The following MYT1L variants were observed in gnomAD, a reference collection of about 807,000 sequenced individuals.
The protein encoded by MYT1L is myelin transcription factor 1-like protein.
In MYT1L, 12 loss-of-function variants were observed where a neutral mutation model predicts 126.7. That is an observed-to-expected ratio of 0.09 (90% CI 0.06 to 0.15). MYT1L has a LOEUF of 0.15. Ranked by LOEUF, MYT1L falls within the 10% of genes least tolerant of loss-of-function variation. The pLI is 1.00. For synonymous variants in MYT1L, 541 were observed against 604.2 expected, an observed-to-expected ratio of 0.90 and a Z score of 1.53; for missense variants, 979 against 1,585.2, an observed-to-expected ratio of 0.62 and a Z score of 6.49.
chr2:1,995,399 G>A (rs943114092), intron 5 of MYT1L, among the ~76,000 whole-genome samples: 10 of 152,120 alleles, frequency 6.6e-5, no homozygotes, highest in African/African-American at 1.7e-4. Context: ...GAAATGCACC[G>A]CTAATATCAC....
chr2:2,147,315 T>C (rs939686468), intron 3 of MYT1L, among the ~76,000 whole-genome samples: 21 of 152,168 alleles, frequency 1.4e-4, no homozygotes, highest in African/African-American at 5.1e-4. Context: ...GATGCATCCA[T>C]AAATATGCCA....
At chr2:2,279,565 G>GAAGGAAGAAAGGAAGGAAGA (rs33920276) in intron 2 of MYT1L, among the ~76,000 whole-genome samples, 2 of 71,740 alleles carry the variant, frequency 2.8e-5, no homozygotes, top group Non-Finnish European at 6.1e-5. Flanking sequence ...AGGAATGAAT[G>GAAGGAAGAAAGGAAGGAAGA]AATGAAGGAA....
intron 3 of MYT1L, among the ~76,000 whole-genome samples, chr2:2,169,367 T>TA (rs766985767): frequency 1.1e-3 from 161 of 152,338 alleles, no homozygotes; most frequent in Non-Finnish European, 1.4e-3. Context: ...ACCTTAAAGA[T>TA]ACACAGATTC....
intron 3 of MYT1L, among the ~76,000 whole-genome samples, chr2:2,148,558 G>A (rs1328849368): frequency 6.6e-6 from 1 of 152,170 alleles, no homozygotes; most frequent in Non-Finnish European, 1.5e-5. Flanking sequence ...AGTATAATAG[G>A]TGTTCCCTTT....
chr2:2,243,889 A>T (rs1572788221), intron 2 of MYT1L, among the ~76,000 whole-genome samples: 1 of 152,262 alleles, frequency 6.6e-6, no homozygotes, highest in South Asian at 2.1e-4. Context: ...ATCACTGAAA[A>T]ATGTTCACCC....
intron 3 of MYT1L, among the ~76,000 whole-genome samples, chr2:2,070,076 GT>G (rs2074406832): frequency 6.6e-6 from 1 of 151,552 alleles, no homozygotes; most frequent in Admixed American, 6.6e-5. Context: ...AATATATTCG[GT>G]TTTTATTTGT....
chr2:1,792,057 G>A, intron 24 of MYT1L, 50 bp from the exon 25 acceptor site: 1 of 1,388,818 alleles, frequency 7.2e-7, no homozygotes, highest in South Asian at 1.5e-5. Flanking sequence ...TTTCTTAATA[G>A]TATATTTACA....
chr2:2,045,393 C>G (rs1574796081), intron 4 of MYT1L, among the ~76,000 whole-genome samples: 1 of 152,194 alleles, frequency 6.6e-6, no homozygotes, highest in African/African-American at 2.4e-5. Flanking sequence ...GGGAGAGGCT[C>G]TGGGAGGGGT....
chr2:2,297,148 G>A (rs1033487202), intron 1 of MYT1L, among the ~76,000 whole-genome samples: 6 of 152,168 alleles, frequency 3.9e-5, no homozygotes, highest in South Asian at 2.1e-4. Context: ...GGGACCTCCC[G>A]CCTTTGCGAC....
At chr2:2,307,675 A>G (rs918826383) in intron 1 of MYT1L, among the ~76,000 whole-genome samples, 1 of 152,026 alleles carries the variant, frequency 6.6e-6, no homozygotes, top group African/African-American at 2.4e-5. Context: ...TACTCCACCT[A>G]TGCTTCAGCA....
chr2:1,947,796 G>A (rs2057372863), intron 8 of MYT1L, among the ~76,000 whole-genome samples: 1 of 152,226 alleles, frequency 6.6e-6, no homozygotes. Context: ...AGTACACATG[G>A]AAAAGAAAAG....
intron 2 of MYT1L, among the ~76,000 whole-genome samples, chr2:2,253,826 G>C (rs2094728485): frequency 6.6e-6 from 1 of 151,972 alleles, no homozygotes; most frequent in Non-Finnish European, 1.5e-5. Context: ...AGAGCAAGTC[G>C]GAATTTCCCG....
intron 18 of MYT1L, among the ~76,000 whole-genome samples, chr2:1,882,861 A>G (rs2047736206): frequency 6.6e-6 from 1 of 152,216 alleles, no homozygotes; most frequent in Admixed American, 6.5e-5. Flanking sequence ...AGCAAAAAGC[A>G]ACATCTTGAC....
rs148523341 is a variant in MYT1L, at chr2:1,974,684, C to T, written c.152+4481G>A. On this transcript the variant is annotated intron_variant, in intron 8 of 24. Transcript: ENST00000647738. Reference sequence around the variant, plus strand: ...CCTTCGCTGCCAAGAGTGTCTGCGTCTCTAAGGAGCTGACTTAATGCTTTT... The same window carrying T: ...CCTTCGCTGCCAAGAGTGTCTGCGTTTCTAAGGAGCTGACTTAATGCTTTT... 8 of 152,242 alleles carry T rather than the reference C, an allele frequency of 5.3e-5. No homozygotes were observed. The East Asian group carries it at 1.4e-3, about 26-fold the overall frequency. The allele number at this position is 152,242 out of a possible 1,614,324, so 9.4% of individuals were successfully genotyped here.
At chr2:2,310,404 T>C (rs1441498493) in intron 1 of MYT1L, among the ~76,000 whole-genome samples, 2 of 152,092 alleles carry the variant, frequency 1.3e-5, no homozygotes, top group African/African-American at 2.4e-5. Flanking sequence ...GTATACTTTA[T>C]CTATACTCCA....
At position 1,832,428 on chromosome 2, in the gene MYT1L, A is replaced by C. The variant is rs140468886; in HGVS notation, c.3080+6721T>G. Among the ~76,000 whole-genome samples, 1,159 of 152,276 alleles carry C rather than the reference A, an allele frequency of 7.6e-3. 5 individuals carry two copies. The highest frequency in any genetic ancestry group is 0.017 in the African/African-American group (711 of 41,544). ...AGATACCCATGGCGTTCAAGGCTTC[A>C]TTCTTTCCTTGTGTTCCCAACTGCC... On this transcript the variant is annotated intron_variant, in intron 21 of 24. Transcript: ENST00000647738.
chr2:1,917,804 T>A lies in MYT1L; in HGVS notation c.1484-465A>T, dbSNP rs2053064904. 6.6e-6 allele frequency among the ~76,000 whole-genome samples: 1 copy of A among 152,252 alleles called. No homozygotes were observed. Among genetic ancestry groups the A allele is most frequent in the African/African-American group, 2.4e-5 (1 of 41,474 alleles). On this transcript the variant is annotated intron_variant, in intron 10 of 24. Transcript: ENST00000647738. This position sits in a 1 kb window ranked among gnomAD's most constrained non-coding sequence, Gnocchi z 5.9. ...TTTCTTATTGAGTGCTCTGATCGCATACACTAGAAGCTGCAGGATTTTACT... is the reference window on the plus strand; with the variant it reads ...TTTCTTATTGAGTGCTCTGATCGCAAACACTAGAAGCTGCAGGATTTTACT...
At chr2:2,291,991 G>C (rs773947632) in intron 1 of MYT1L, among the ~76,000 whole-genome samples, 3 of 152,362 alleles carry the variant, frequency 2.0e-5, no homozygotes, top group South Asian at 2.1e-4. Context: ...GGCTGTGCCC[G>C]GGCTGAGAGG....
chr2:2,161,113 G>C (rs920262929), intron 3 of MYT1L, among the ~76,000 whole-genome samples: 1 of 152,056 alleles, frequency 6.6e-6, no homozygotes, highest in Non-Finnish European at 1.5e-5. Context: ...CCAGCTACTC[G>C]GGAGGCTGAG....
Sources: allele counts gnomAD v4.1 joint callset (sites outside exome capture counted in the v4.1 genomes callset), GRCh38; gene constraint gnomAD v4.1.1; non-coding constraint Gnocchi (gnomAD v3.1); transcripts MANE v1.5; gene names NCBI Gene and HGNC (gene_info 2026-07-23, HGNC 2026-07-21).